SMAD2: variants seen among roughly 807,000 people sequenced by gnomAD.
SMAD2 encodes the protein SMAD family member 2, also known as MAD homolog 2.
SMAD2 carries 8 observed loss-of-function variants against 64.4 expected under a neutral mutation model. The ratio of observed to expected loss-of-function variants is 0.12; its 90% CI spans 0.07 to 0.22. SMAD2 has a LOEUF of 0.22. Among genes scored for constraint, SMAD2 ranks in the 10% least tolerant of loss-of-function variants. The pLI, the probability that SMAD2 is intolerant of heterozygous loss-of-function variation, is 1.00. For synonymous variants in SMAD2, 203 were observed against 195.8 expected (o/e 1.04, Z -0.31); for missense variants, 289 against 561.2 (o/e 0.51, Z 4.90).
chr18:47,829,757 AG>A lies in SMAD2; in HGVS notation c.*12069del, dbSNP rs1439121231. On this transcript the variant is annotated 3_prime_UTR_variant, in exon 11 of 11. Coordinates refer to ENST00000262160, the MANE Select transcript of SMAD2 (RefSeq NM_005901.6). ...TTAGAGACTTTGAATCCTAAAATTTAGTTTACCAAATGTAGCTTTTTATGTT... is the reference window on the plus strand; with the variant it reads ...TTAGAGACTTTGAATCCTAAAATTTATTTACCAAATGTAGCTTTTTATGTT... The A allele has an allele frequency of 6.6e-6, 1 of 152,224 alleles. No individual in the cohort carries two copies. The allele number at this position is 152,224 out of a possible 1,614,324, so 9.4% of individuals were successfully genotyped here. A position where few individuals can be genotyped will look rare whatever the true frequency, so the allele number is the denominator to read the frequency against.
intron 1 of SMAD2, among the ~76,000 whole-genome samples, chr18:47,904,479 C>G (rs936973119): frequency 6.6e-6 from 1 of 151,940 alleles, no homozygotes; most frequent in African/African-American, 2.4e-5. Context: ...GGAAACATTG[C>G]TACCACCAGT....
chr18:47,864,903 T>C (rs1436916015), intron 6 of SMAD2, among the ~76,000 whole-genome samples, 156 bp downstream of exon 6: 1 of 152,220 alleles, frequency 6.6e-6, no homozygotes, highest in Non-Finnish European at 1.5e-5. Flanking sequence ...TGGACCTCTT[T>C]GGTAGTTCAG....
chr18:47,898,591 A>T (rs916032396), intron 1 of SMAD2, among the ~76,000 whole-genome samples: 1 of 152,242 alleles, frequency 6.6e-6, no homozygotes, highest in Non-Finnish European at 1.5e-5. Flanking sequence ...TTTCCAATGT[A>T]CACAAACTGC....
At chr18:47,915,324 A>G (rs758053608) in intron 1 of SMAD2, among the ~76,000 whole-genome samples, 4 of 152,190 alleles carry the variant, frequency 2.6e-5, no homozygotes, top group Non-Finnish European at 4.4e-5. Flanking sequence ...AATTTATATG[A>G]AAGTGTGATA....
Position 47,896,793 on chromosome 18 carries a change from A to T in SMAD2, c.-37T>A. 6.2e-7 allele frequency: 1 copy of T among 1,603,094 alleles called. No individual in the cohort carries two copies. The highest frequency in any genetic ancestry group is 1.3e-5 in the African/African-American group (1 of 74,762). ...AGGCAGCAAGCCACGCTAGGAAAAC[A>T]GCCTCTTGTATCGAACCTAGCAGAA... On this transcript the variant is annotated 5_prime_UTR_variant, in exon 2 of 11. Transcript: ENST00000262160.
At chr18:47,875,598 C>T (rs2032217691) in intron 2 of SMAD2, among the ~76,000 whole-genome samples, 1 of 152,070 alleles carries the variant, frequency 6.6e-6, no homozygotes, top group African/African-American at 2.4e-5. Context: ...ATTATAACAA[C>T]TATATAAAAA....
chr18:47,816,903 A>T lies in SMAD2; in HGVS notation c.*24924T>A, dbSNP rs1425115438. On this transcript the variant is annotated 3_prime_UTR_variant, in exon 11 of 11. Coordinates refer to ENST00000262160, the MANE Select transcript of SMAD2 (RefSeq NM_005901.6). ...TCAGCCTCCCAAGTAGCGGGATCAT[A>T]GGCACCCACCAATACACCCATCTAA... is the stretch of plus-strand genomic sequence containing the variant. 6.6e-6 allele frequency: 1 copy of T among 151,638 alleles called. No homozygotes were observed. The highest frequency in any genetic ancestry group is 1.5e-5 in the Non-Finnish European group (1 of 67,956). The allele number at this position is 151,638 out of a possible 1,614,324, so 9.4% of individuals were successfully genotyped here.
At position 47,833,540 on chromosome 18, in the gene SMAD2, G is replaced by C. The variant is rs973584860; in HGVS notation, c.*8287C>G. 2 of 230,516 alleles carry C rather than the reference G, an allele frequency of 8.7e-6. No individual in the cohort carries two copies. The highest frequency in any genetic ancestry group is 1.7e-5 in the Non-Finnish European group (2 of 116,174). 14.3% of individuals were successfully genotyped at this position (230,516 alleles called of 1,614,324 possible). On this transcript the variant is annotated 3_prime_UTR_variant, in exon 11 of 11. Transcript: ENST00000262160. The stretch of plus-strand genomic sequence containing the variant: ...ACTTCCAGAGGGAAACAAGAACAGG[G>C]TCTGCATCCATCATATTGCATTACA...
intron 1 of SMAD2, among the ~76,000 whole-genome samples, chr18:47,905,601 C>T (rs1326620946): frequency 6.6e-6 from 1 of 152,080 alleles, no homozygotes; most frequent in Non-Finnish European, 1.5e-5. Context: ...TGGAACAGAA[C>T]AAGTCTAGAA....
Position 47,848,464 on chromosome 18 carries a change from A to G in SMAD2, c.997+11T>C, listed in dbSNP as rs184243744. On this transcript the variant is annotated intron_variant, in intron 8 of 10. Transcript: ENST00000262160. ...GCATTTATTTTTCACAACAAGGAAAATAAAACATACCTATATGCCTTCTTG... is the reference window on the plus strand; with the variant it reads ...GCATTTATTTTTCACAACAAGGAAAGTAAAACATACCTATATGCCTTCTTG... 110 of 1,592,892 alleles carry G rather than the reference A, an allele frequency of 6.9e-5. No individual in the cohort carries two copies. The highest frequency in any genetic ancestry group is 6.7e-4 in the Middle Eastern group (4 of 6,008).
At chr18:47,849,568 C>T (rs1914888057) in intron 7 of SMAD2, among the ~76,000 whole-genome samples, 1 of 151,934 alleles carries the variant, frequency 6.6e-6, no homozygotes, top group South Asian at 2.1e-4. Flanking sequence ...TAACTAAAAA[C>T]CCTTAGATGT....
chr18:47,918,752 C>T (rs1014917319), intron 1 of SMAD2, among the ~76,000 whole-genome samples: 5 of 102,144 alleles, frequency 4.9e-5, no homozygotes, highest in African/African-American at 1.1e-4. Context: ...ACAGCAGAAA[C>T]GGGGGAAAAA....
At chr18:47,843,593 A>G (rs1914186468) in intron 10 of SMAD2, among the ~76,000 whole-genome samples, 1 of 152,200 alleles carries the variant, frequency 6.6e-6, no homozygotes, top group African/African-American at 2.4e-5. Flanking sequence ...CATTAGGTCT[A>G]TTTCCTCAGC....
chr18:47,876,136 A>C (rs1487855646), intron 2 of SMAD2, among the ~76,000 whole-genome samples: 1 of 152,050 alleles, frequency 6.6e-6, no homozygotes, highest in Non-Finnish European at 1.5e-5. Flanking sequence ...AACATATCCT[A>C]AAGAGATTAT....
intron 2 of SMAD2, among the ~76,000 whole-genome samples, chr18:47,893,191 G>A (rs1254783205): frequency 1.3e-5 from 2 of 152,142 alleles, no homozygotes; most frequent in Non-Finnish European, 2.9e-5. Flanking sequence ...AAATTACTCT[G>A]TGTCACCACA....
intron 8 of SMAD2, among the ~76,000 whole-genome samples, chr18:47,847,983 T>C (rs1426934658): frequency 1.3e-5 from 2 of 152,154 alleles, no homozygotes; most frequent in African/African-American, 2.4e-5. Flanking sequence ...CCCTGAATTA[T>C]ATTTTGAACT....
In SMAD2 at chr18:47,809,209, A is replaced by G. The variant is rs1460251056; in HGVS notation, c.*32618T>C. Reference sequence around the variant, plus strand: ...GTTCTGTGCCGTTACGGAAAGAGGCAGTCCCTGTACTTGGGGGTCAGATAG... The same window carrying G: ...GTTCTGTGCCGTTACGGAAAGAGGCGGTCCCTGTACTTGGGGGTCAGATAG... On this transcript the variant is annotated 3_prime_UTR_variant, in exon 11 of 11. Transcript: ENST00000262160. 2.6e-5 allele frequency: 4 copies of G among 152,352 alleles called. No homozygotes were observed. Among genetic ancestry groups the G allele is most frequent in the Non-Finnish European group, 5.9e-5 (4 of 68,134 alleles). 9.4% of individuals were successfully genotyped at this position (152,352 alleles called of 1,614,324 possible). A position where few individuals can be genotyped will look rare whatever the true frequency, so the allele number is the denominator to read the frequency against.
chr18:47,851,454 C>G, intron 6 of SMAD2, 127 bp from the exon 7 acceptor site: 1 of 581,774 alleles, frequency 1.7e-6, no homozygotes, highest in Non-Finnish European at 3.1e-6. Context: ...ACCAAGAATT[C>G]AGAATATGTA....
intron 5 of SMAD2, 39 bp from the exon 6 acceptor site, chr18:47,865,172 T>C (rs550110456): frequency 9.5e-7 from 1 of 1,055,910 alleles, no homozygotes; most frequent in East Asian, 2.4e-5. Context: ...AGCTGCAACA[T>C]AATCTCACTA....
Sources: gnomAD v4.1 joint callset for allele counts (sites outside exome capture counted in the v4.1 genomes callset) on GRCh38, gnomAD v4.1.1 for gene constraint, MANE v1.5 for transcripts, NCBI Gene and HGNC (gene_info 2026-07-23, HGNC 2026-07-21) for gene names.